GRIN2B: variants seen among roughly 807,000 people sequenced by gnomAD.
GRIN2B encodes the protein glutamate receptor ionotropic, NMDA 2B.
Under a neutral mutation model 114.5 loss-of-function variants are expected in GRIN2B, and 5 were observed. That is an observed-to-expected ratio of 0.04 (90% CI 0.02 to 0.09). The LOEUF (loss-of-function observed/expected upper bound fraction) is 0.09, where lower values mean the gene tolerates loss of function less well. Ranked by LOEUF, GRIN2B falls within the 10% of genes least tolerant of loss-of-function variation. GRIN2B has a pLI of 1.00. For missense variants in GRIN2B, 1,108 were observed against 1,943.5 expected, an observed-to-expected ratio of 0.57 and a Z score of 8.08; for synonymous variants, 787 against 745.1, an observed-to-expected ratio of 1.06 and a Z score of -0.92.
chr12:13,946,123 G>A (rs1284471937), intron 2 of GRIN2B, among the ~76,000 whole-genome samples: 1 of 152,142 alleles, frequency 6.6e-6, no homozygotes, highest in Non-Finnish European at 1.5e-5. Flanking sequence ...TGTAAATTCT[G>A]TGTGTGGAGG....
Position 13,916,125 on chromosome 12 carries a change from G to A in GRIN2B, c.-18-49899C>T, listed in dbSNP as rs116292853. Among the ~76,000 whole-genome samples, 966 of 152,232 alleles carry A rather than the reference G, an allele frequency of 6.3e-3. 9 individuals are homozygous for A. The highest frequency in any genetic ancestry group is 0.022 in the African/African-American group (907 of 41,532). ...AATAAAAGCCTGTGCACTGACTGCA[G>A]ATTAGGGGCAAGAGGCTGGGGGACT... On this transcript the variant is annotated intron_variant, in intron 2 of 13. Coordinates refer to ENST00000609686, the MANE Select transcript of GRIN2B (RefSeq NM_000834.5).
intron 2 of GRIN2B, among the ~76,000 whole-genome samples, chr12:13,913,155 A>C (rs930098986): frequency 6.6e-6 from 1 of 152,208 alleles, no homozygotes; most frequent in African/African-American, 2.4e-5. Context: ...GGAGGATCCC[A>C]CATAGATCTT....
intron 10 of GRIN2B, among the ~76,000 whole-genome samples, chr12:13,594,849 A>G (rs1408398082): frequency 6.6e-6 from 1 of 152,072 alleles, no homozygotes; most frequent in Non-Finnish European, 1.5e-5. Context: ...TTGCATTATA[A>G]AGACTTTCTT....
chr12:13,746,211 G>A (rs893875897), intron 4 of GRIN2B, among the ~76,000 whole-genome samples: 3 of 152,104 alleles, frequency 2.0e-5, no homozygotes, highest in Non-Finnish European at 4.4e-5. Flanking sequence ...GATCAAATTA[G>A]GTAACTGCAC....
At position 13,554,472 on chromosome 12, in the gene GRIN2B, C is replaced by G. The variant is rs1269613492; in HGVS notation, c.*8311G>C. 1.3e-5 allele frequency: 2 copies of G among 152,052 alleles called. No individual in the cohort carries two copies. The highest frequency in any genetic ancestry group is 4.8e-5 in the African/African-American group (2 of 41,400). The allele number at this position is 152,052 out of a possible 1,614,324, so 9.4% of individuals were successfully genotyped here. On this transcript the variant is annotated 3_prime_UTR_variant, in exon 14 of 14. Coordinates refer to ENST00000609686, the MANE Select transcript of GRIN2B (RefSeq NM_000834.5). ...AAAGGGAACAGTTTAAGGGAAGACG[C>G]AAGTGGGAAAACAAGCTGGTAGGGA...
At chr12:13,939,587 G>A (rs1398432013) in intron 2 of GRIN2B, among the ~76,000 whole-genome samples, 2 of 109,086 alleles carry the variant, frequency 1.8e-5, no homozygotes, top group East Asian at 3.1e-4. Flanking sequence ...CAAGGTCTTA[G>A]TCTGTCACCC....
chr12:13,762,447 T>A (rs1439450295), intron 3 of GRIN2B, among the ~76,000 whole-genome samples: 1 of 152,256 alleles, frequency 6.6e-6, no homozygotes, highest in Admixed American at 6.5e-5. Context: ...AAGCCAGTGA[T>A]GGCACTTGAC....
intron 2 of GRIN2B, among the ~76,000 whole-genome samples, chr12:13,881,666 A>G (rs775430286): frequency 1.3e-5 from 2 of 152,150 alleles, no homozygotes; most frequent in African/African-American, 4.8e-5. Flanking sequence ...TATTTTCTCT[A>G]CTTTAGCACC....
intron 9 of GRIN2B, among the ~76,000 whole-genome samples, chr12:13,609,548 C>T (rs547522635): frequency 1.4e-3 from 213 of 152,044 alleles, no homozygotes; most frequent in Non-Finnish European, 1.8e-3. Context: ...CCGAGGTGGG[C>T]GGATCACGAG....
intron 3 of GRIN2B, among the ~76,000 whole-genome samples, chr12:13,833,991 T>TG (rs1865201430): frequency 1.3e-5 from 2 of 149,014 alleles, no homozygotes; most frequent in Admixed American, 1.3e-4. Flanking sequence ...AGGTGCAAGG[T>TG]GAAAACACAG....
chr12:13,937,274 C>G (rs1285055646), intron 2 of GRIN2B, among the ~76,000 whole-genome samples: 2 of 151,478 alleles, frequency 1.3e-5, no homozygotes. Context: ...TCCCGAATGC[C>G]AATTTGATTT....
chr12:13,590,133 T>A (rs1276096714), intron 10 of GRIN2B, among the ~76,000 whole-genome samples: 1 of 152,130 alleles, frequency 6.6e-6, no homozygotes, highest in Non-Finnish European at 1.5e-5. Flanking sequence ...TTAGGTTTAC[T>A]TTTTCTGAGT....
intron 10 of GRIN2B, among the ~76,000 whole-genome samples, chr12:13,583,444 G>A (rs1565462634): frequency 6.6e-6 from 1 of 152,150 alleles, no homozygotes; most frequent in African/African-American, 2.4e-5. Context: ...AACTATCAGA[G>A]CAAGGATTCA....
chr12:13,551,381 C>A lies in GRIN2B; in HGVS notation c.*11402G>T, dbSNP rs547521590. The A allele has an allele frequency of 6.6e-6, 1 of 152,286 alleles. No individual in the cohort carries two copies. Among genetic ancestry groups the A allele is most frequent in the East Asian group, 1.9e-4 (1 of 5,172 alleles). The allele number at this position is 152,286 out of a possible 1,614,324, so 9.4% of individuals were successfully genotyped here. A position where few individuals can be genotyped will look rare whatever the true frequency, so the allele number is the denominator to read the frequency against. The stretch of plus-strand genomic sequence containing the variant: ...CATCCTCTTAGTACCAGTCCATCAA[C>A]AGGACCTTAGAAGGCCACATGGATT... On this transcript the variant is annotated 3_prime_UTR_variant, in exon 14 of 14. Transcript: ENST00000609686.
chr12:13,743,354 A>T (rs1387775292), intron 4 of GRIN2B, among the ~76,000 whole-genome samples: 1 of 152,134 alleles, frequency 6.6e-6, no homozygotes, highest in South Asian at 2.1e-4. Context: ...CCAAGTCTCC[A>T]TGTGAACACA....
chr12:13,809,423 C>T (rs1430226582), intron 3 of GRIN2B, among the ~76,000 whole-genome samples: 1 of 152,066 alleles, frequency 6.6e-6, no homozygotes, highest in Admixed American at 6.5e-5. Flanking sequence ...CAAATGAGAA[C>T]AATAATAACC....
chr12:13,863,353 A>G (rs1319672244), intron 3 of GRIN2B, among the ~76,000 whole-genome samples: 7 of 152,192 alleles, frequency 4.6e-5, no homozygotes, highest in Admixed American at 4.6e-4. Flanking sequence ...CATCCCCCAC[A>G]ATGCCATCTA....
rs1311907221 is a variant in GRIN2B at position 13,561,196 on chromosome 12, A to ATCTG, written c.*1586_*1587insCAGA. On this transcript the variant is annotated 3_prime_UTR_variant, in exon 14 of 14. Transcript: ENST00000609686. ...CATCCCTGGAGTTTTATACATGTAT[A>ATCTG]TCTTTTTTTATTCCTCAATGGTACA... 4.6e-5 allele frequency: 7 copies of ATCTG among 152,008 alleles called. No individual in the cohort carries two copies. Among genetic ancestry groups the ATCTG allele is most frequent in the African/African-American group, 1.7e-4 (7 of 41,314 alleles). The allele number at this position is 152,008 out of a possible 1,614,324, so 9.4% of individuals were successfully genotyped here.
At chr12:13,978,184 C>T (rs754726837) in intron 2 of GRIN2B, among the ~76,000 whole-genome samples, 31 of 152,216 alleles carry the variant, frequency 2.0e-4, no homozygotes, top group Non-Finnish European at 4.4e-4. Flanking sequence ...GAAAGCATTG[C>T]ACATGGAGCT....
Sources: gnomAD v4.1 joint callset for allele counts (sites outside exome capture counted in the v4.1 genomes callset) on GRCh38, gnomAD v4.1.1 for gene constraint, MANE v1.5 for transcripts, NCBI Gene and HGNC (gene_info 2026-07-23, HGNC 2026-07-21) for gene names.